The following GRIN2A variants were observed in gnomAD, a reference collection of about 807,000 sequenced individuals.
GRIN2A encodes the protein glutamate ionotropic receptor NMDA type subunit 2A, also known as glutamate receptor ionotropic, NMDA 2A.
A neutral mutation model predicts 113.4 loss-of-function variants in GRIN2A; 22 were observed. That is an observed-to-expected ratio of 0.19 (90% CI 0.14 to 0.28). GRIN2A has a LOEUF of 0.28. GRIN2A is among the 10% of genes least tolerant of loss of function. The pLI, the probability that GRIN2A is intolerant of heterozygous loss-of-function variation, is 1.00. For synonymous variants in GRIN2A, 827 were observed against 738.4 expected, an observed-to-expected ratio of 1.12 and a Z score of -1.94; for missense variants, 1,502 against 1,887.0, an observed-to-expected ratio of 0.80 and a Z score of 3.78.
Position 10,180,772 on chromosome 16 carries a change from G to T in GRIN2A, c.-18-343C>A. 2 of 442,680 alleles carry T rather than the reference G, an allele frequency of 4.5e-6. No homozygotes were observed. The highest frequency in any genetic ancestry group is 8.4e-6 in the Non-Finnish European group (2 of 237,696). The allele number at this position is 442,680 out of a possible 1,614,324, so 27.4% of individuals were successfully genotyped here. A position where few individuals can be genotyped will look rare whatever the true frequency, so the allele number is the denominator to read the frequency against. The stretch of plus-strand genomic sequence containing the variant: ...CCGCGGGCCACAGACCCTAAGCGCC[G>T]CGCGTGTTCTGTACCCCACCAAGCT... On this transcript the variant is annotated intron_variant, in intron 1 of 12. Transcript: ENST00000330684. This position sits in a 1 kb window ranked among gnomAD's most constrained non-coding sequence, Gnocchi z 7.0.
At chr16:9,779,752 C>G (rs1306880255) in intron 11 of GRIN2A, among the ~76,000 whole-genome samples, 2 of 152,132 alleles carry the variant, frequency 1.3e-5, no homozygotes, top group Admixed American at 1.3e-4. Context: ...ATGACATCCT[C>G]CCGCTCCCCA....
At chr16:9,787,497 T>G (rs1001554484) in intron 11 of GRIN2A, among the ~76,000 whole-genome samples, 2 of 152,182 alleles carry the variant, frequency 1.3e-5, no homozygotes, top group African/African-American at 4.8e-5. Flanking sequence ...CCCTAAAACA[T>G]GTAAAACCAG....
intron 11 of GRIN2A, among the ~76,000 whole-genome samples, chr16:9,775,098 G>A (rs1901515844): frequency 6.6e-6 from 1 of 152,200 alleles, no homozygotes; most frequent in South Asian, 2.1e-4. Context: ...CCTCTCCCCT[G>A]AGGTCATTTG....
At chr16:10,173,199 C>T (rs1567349308) in intron 2 of GRIN2A, among the ~76,000 whole-genome samples, 1 of 152,210 alleles carries the variant, frequency 6.6e-6, no homozygotes, top group Non-Finnish European at 1.5e-5. Flanking sequence ...CCCACTCTCC[C>T]AGGAACTACC....
At chr16:9,842,796 G>C (rs978653439) in intron 5 of GRIN2A, among the ~76,000 whole-genome samples, 2 of 152,054 alleles carry the variant, frequency 1.3e-5, no homozygotes, top group African/African-American at 4.8e-5. Context: ...AATGAGCTGG[G>C]CATGGTGGCA....
chr16:9,938,899 C>T (rs752038764), intron 2 of GRIN2A, among the ~76,000 whole-genome samples: 2 of 152,086 alleles, frequency 1.3e-5, no homozygotes, highest in Non-Finnish European at 2.9e-5. Context: ...AGCTCATGAC[C>T]GGAAAATCAA....
At chr16:9,827,727 C>T (rs778421815) in intron 9 of GRIN2A, among the ~76,000 whole-genome samples, 8 of 152,198 alleles carry the variant, frequency 5.3e-5, no homozygotes, top group Admixed American at 3.9e-4. Context: ...GGGCACACAG[C>T]GCTGCAAAAG....
chr16:9,790,769 G>A (rs142910012), intron 11 of GRIN2A, among the ~76,000 whole-genome samples: 42 of 152,212 alleles, frequency 2.8e-4, no homozygotes, highest in African/African-American at 9.6e-4. Context: ...GTATTAAATC[G>A]ATGACATAAG....
At chr16:9,788,687 A>T (rs7194140) in intron 11 of GRIN2A, among the ~76,000 whole-genome samples, 4 of 143,870 alleles carry the variant, frequency 2.8e-5, no homozygotes, top group African/African-American at 7.7e-5. Flanking sequence ...TCTTGTTCTC[A>T]TCTTCATCTT....
At chr16:9,834,080 A>C (rs1419505343) in intron 8 of GRIN2A, 25 bp downstream of exon 8, 8 of 1,610,696 alleles carry the variant, frequency 5.0e-6, no homozygotes, top group Non-Finnish European at 6.8e-6. Flanking sequence ...ACAACATTGA[A>C]TCATGCTCAT....
chr16:9,821,324 G>A (rs1778684653), intron 10 of GRIN2A, among the ~76,000 whole-genome samples: 1 of 152,054 alleles, frequency 6.6e-6, no homozygotes. Flanking sequence ...TGGATTTCAT[G>A]CATTCCTGGG....
intron 2 of GRIN2A, among the ~76,000 whole-genome samples, chr16:9,978,280 T>C (rs8045893): frequency 0.11 from 17,346 of 152,228 alleles, 1,161 homozygotes; most frequent in Middle Eastern, 0.17. Context: ...CTCAGGCAAA[T>C]GCAGTTACAG....
intron 2 of GRIN2A, among the ~76,000 whole-genome samples, chr16:10,096,210 T>C (rs986860976): frequency 3.3e-5 from 5 of 152,160 alleles, no homozygotes; most frequent in Admixed American, 3.3e-4. Context: ...GTGATTCTAA[T>C]GTGCCTCCTA....
intron 3 of GRIN2A, among the ~76,000 whole-genome samples, chr16:9,891,801 T>C (rs1215316433): frequency 2.0e-5 from 3 of 152,100 alleles, no homozygotes; most frequent in African/African-American, 4.8e-5. Context: ...GTGGTGTGCA[T>C]ACCAGGAACT....
intron 11 of GRIN2A, among the ~76,000 whole-genome samples, chr16:9,777,356 C>T (rs981938409): frequency 5.3e-5 from 8 of 152,214 alleles, no homozygotes; most frequent in African/African-American, 1.4e-4. Context: ...CCTCTGTTCT[C>T]ACGATCTCAG....
intron 2 of GRIN2A, among the ~76,000 whole-genome samples, chr16:10,016,376 C>G (rs1383631499): frequency 6.6e-6 from 1 of 152,082 alleles, no homozygotes; most frequent in Non-Finnish European, 1.5e-5. Context: ...GGGGTCAGAT[C>G]TCCACTTCAT....
At chr16:9,881,746 C>G (rs965628450) in intron 4 of GRIN2A, among the ~76,000 whole-genome samples, 1 of 152,144 alleles carries the variant, frequency 6.6e-6, no homozygotes, top group African/African-American at 2.4e-5. Flanking sequence ...CAGTGCTAGC[C>G]GTGGCCAGAA....
intron 2 of GRIN2A, among the ~76,000 whole-genome samples, chr16:10,069,853 C>A (rs561649827): frequency 1.3e-5 from 2 of 152,322 alleles, no homozygotes; most frequent in South Asian, 2.1e-4. Context: ...ATAGATCCCA[C>A]GTCTTGGGCT....
At chr16:9,874,283 G>A (rs2043323084) in intron 4 of GRIN2A, among the ~76,000 whole-genome samples, 1 of 152,236 alleles carries the variant, frequency 6.6e-6, no homozygotes, top group Non-Finnish European at 1.5e-5. Context: ...ATACGGTGGA[G>A]TAATAAGGAA....
Sources: allele counts gnomAD v4.1 joint callset (sites outside exome capture counted in the v4.1 genomes callset), GRCh38; gene constraint gnomAD v4.1.1; non-coding constraint Gnocchi (gnomAD v3.1); transcripts MANE v1.5; gene names NCBI Gene and HGNC (gene_info 2026-07-23, HGNC 2026-07-21).